The following CAV1 variants were observed in gnomAD, a reference collection of about 807,000 sequenced individuals.
The protein encoded by CAV1 is caveolin-1.
Under a neutral mutation model 16.5 loss-of-function variants are expected in CAV1, and 10 were observed. That is an observed-to-expected ratio of 0.61 (90% CI 0.37 to 1.03). CAV1 has a LOEUF of 1.03. CAV1 is among the 50% of genes least tolerant of loss of function. The pLI, the probability that CAV1 is intolerant of heterozygous loss-of-function variation, is 0.01. For synonymous variants in CAV1, 76 were observed against 85.1 expected, an observed-to-expected ratio of 0.89 and a Z score of 0.59; for missense variants, 212 against 232.8, an observed-to-expected ratio of 0.91 and a Z score of 0.58.
chr7:116,542,496 C>G (rs1793961458), intron 2 of CAV1, among the ~76,000 whole-genome samples: 1 of 152,130 alleles, frequency 6.6e-6, no homozygotes, highest in Admixed American at 6.5e-5. Context: ...AATAATTAAA[C>G]ACTTTATCAT....
intron 2 of CAV1, among the ~76,000 whole-genome samples, chr7:116,547,215 C>T (rs1466355903): frequency 1.3e-5 from 2 of 152,268 alleles, no homozygotes; most frequent in African/African-American, 4.8e-5. Context: ...GGGATTAGAA[C>T]TTCAACAGAG....
At chr7:116,555,026 TG>T (rs1486549992) in intron 2 of CAV1, among the ~76,000 whole-genome samples, 1 of 152,214 alleles carries the variant, frequency 6.6e-6, no homozygotes, top group East Asian at 1.9e-4. Context: ...TGCACTTCAG[TG>T]GTTTGTGGTG....
chr7:116,547,656 C>T (rs146710726), intron 2 of CAV1, among the ~76,000 whole-genome samples: 25 of 152,296 alleles, frequency 1.6e-4, no homozygotes, highest in Admixed American at 4.6e-4. Flanking sequence ...TGACATGGAA[C>T]GATTTCAGGA....
intron 2 of CAV1, among the ~76,000 whole-genome samples, chr7:116,537,009 C>CA (rs753949130): frequency 0.51 from 31,228 of 61,038 alleles, 7,751 homozygotes; most frequent in East Asian, 0.71. Context: ...GACTCCGTCT[C>CA]AAAAAAAAAA....
intron 1 of CAV1, chr7:116,525,928 G>T (rs971191431): frequency 2.5e-6 from 2 of 791,082 alleles, no homozygotes; most frequent in Non-Finnish European, 3.1e-6. Context: ...ACAAGAGAGG[G>T]CCGAGGCAGG....
chr7:116,558,194 C>T (rs1290475520), intron 2 of CAV1, among the ~76,000 whole-genome samples: 1 of 152,204 alleles, frequency 6.6e-6, no homozygotes. Context: ...TATCAACTAA[C>T]TGCCCCTTAA....
In CAV1 at chr7:116,546,697, C is replaced by CAAAAAAAAAAAAAAAAAAAAAA. The variant is rs5886830; in HGVS notation, c.196-12232_196-12231insAAAAAAAAAAAAAAAAAAAAAA. ...GGGCAACAAGAATGAGACTCTGTCA[C>CAAAAAAAAAAAAAAAAAAAAAA]AAAAAAAAAAAAAAAAAGTCTGCAG... On this transcript the variant is annotated intron_variant, in intron 2 of 2. Transcript: ENST00000341049. 1.4e-3 allele frequency among the ~76,000 whole-genome samples: 128 copies of CAAAAAAAAAAAAAAAAAAAAAA among 88,344 alleles called. 1 individual carries two copies. Among genetic ancestry groups the CAAAAAAAAAAAAAAAAAAAAAA allele is most frequent in the East Asian group, 4.4e-3 (15 of 3,398 alleles). The allele number at this position is 88,344 out of a possible 152,430, so 58.0% of individuals were successfully genotyped here. A position where few individuals can be genotyped will look rare whatever the true frequency, so the allele number is the denominator to read the frequency against.
intron 2 of CAV1, 121 bp from the exon 3 acceptor site, chr7:116,558,825 C>A: frequency 2.7e-6 from 2 of 737,946 alleles, no homozygotes; most frequent in Non-Finnish European, 4.7e-6. Context: ...TGCCTTTAAG[C>A]ATCTCACAAA....
At chr7:116,537,726 T>C (rs1428959714) in intron 2 of CAV1, among the ~76,000 whole-genome samples, 1 of 152,122 alleles carries the variant, frequency 6.6e-6, no homozygotes, top group Non-Finnish European at 1.5e-5. Context: ...TGATCTCTGT[T>C]GGGAGTGACA....
At position 116,560,654 on chromosome 7, in the gene CAV1, A is replaced by G. The variant is rs1794391685; in HGVS notation, c.*1367A>G. On this transcript the variant is annotated 3_prime_UTR_variant, in exon 3 of 3. Transcript: ENST00000341049. ...AATTTCACCTGTAAACCTGAGTCGT[A>G]CAGAAAGCTGCCTGGTATATCCAAA... The G allele has an allele frequency of 1.3e-5, 2 of 152,668 alleles. No individual in the cohort carries two copies. Among genetic ancestry groups the G allele is most frequent in the African/African-American group, 4.8e-5 (2 of 41,466 alleles). The allele number at this position is 152,668 out of a possible 1,614,324, so 9.5% of individuals were successfully genotyped here. A position where few individuals can be genotyped will look rare whatever the true frequency, so the allele number is the denominator to read the frequency against.
At chr7:116,526,368 G>T (rs537082377) in intron 1 of CAV1, 157 bp from the exon 2 acceptor site, 5 of 1,507,670 alleles carry the variant, frequency 3.3e-6, no homozygotes, top group Admixed American at 2.0e-5. Flanking sequence ...TTCTGTGCAC[G>T]GAGCCGTAGC....
intron 2 of CAV1, among the ~76,000 whole-genome samples, chr7:116,535,451 A>G (rs995186699): frequency 1.1e-4 from 16 of 152,228 alleles, no homozygotes; most frequent in African/African-American, 3.9e-4. Context: ...GGTTAATGAG[A>G]CTGACATCCT....
chr7:116,545,409 A>G (rs894122730), intron 2 of CAV1, among the ~76,000 whole-genome samples: 1 of 152,196 alleles, frequency 6.6e-6, no homozygotes. Flanking sequence ...GTATCAAACA[A>G]TTCTGTATAA....
At chr7:116,525,536 G>T in intron 1 of CAV1, 2 of 1,226,908 alleles carry the variant, frequency 1.6e-6, no homozygotes, top group Non-Finnish European at 1.0e-6. Context: ...CGCCCAGACC[G>T]GCAGGTCCCG....
intron 2 of CAV1, among the ~76,000 whole-genome samples, chr7:116,537,648 T>A (rs1211060377): frequency 6.6e-6 from 1 of 152,188 alleles, no homozygotes; most frequent in African/African-American, 2.4e-5. Context: ...GCCATTGGTG[T>A]GGCCACAATA....
intron 2 of CAV1, among the ~76,000 whole-genome samples, chr7:116,556,078 T>C (rs1402631978): frequency 6.6e-6 from 1 of 152,240 alleles, no homozygotes; most frequent in Admixed American, 6.5e-5. Context: ...GGATAAATCA[T>C]GCTCACTAGC....
intron 2 of CAV1, among the ~76,000 whole-genome samples, chr7:116,555,560 GAAAGAAAGAAAGAAAGAAAGAAAGAAA>G (rs1562838460): frequency 3.5e-4 from 16 of 46,068 alleles, no homozygotes; most frequent in African/African-American, 1.3e-3. Context: ...AAGAAAGAAA[GAAAGAAAGAAAGAAAGAAAGAAAGAAA>G]GAAAGAAAGA....
intron 2 of CAV1, among the ~76,000 whole-genome samples, chr7:116,541,424 G>T (rs1283453053): frequency 6.6e-6 from 1 of 152,118 alleles, no homozygotes; most frequent in Non-Finnish European, 1.5e-5. Flanking sequence ...GAAATAATAG[G>T]AAAGGCTAGC....
At chr7:116,533,348 TA>T (rs77471536) in intron 2 of CAV1, among the ~76,000 whole-genome samples, 1,718 of 137,310 alleles carry the variant, frequency 0.013, 125 homozygotes, top group Admixed American at 0.039. Context: ...AAAAATAAAA[TA>T]AATAAAATAA....
Sources: allele counts gnomAD v4.1 joint callset (sites outside exome capture counted in the v4.1 genomes callset), GRCh38; gene constraint gnomAD v4.1.1; transcripts MANE v1.5; gene names NCBI Gene and HGNC (gene_info 2026-07-23, HGNC 2026-07-21).